Variants in SVOPL observed in about 807,000 individuals in gnomAD.
The protein encoded by SVOPL is SVOP like.
A neutral mutation model predicts 61.0 loss-of-function variants in SVOPL; 60 were observed. The observed-to-expected ratio is 0.98, with a 90% confidence interval of 0.80 to 1.22. SVOPL has a LOEUF of 1.22. SVOPL is among the 50% of genes most tolerant of loss of function. The pLI is 0.00. For missense variants in SVOPL, 662 were observed against 643.9 expected, an observed-to-expected ratio of 1.03 and a Z score of -0.30; for synonymous variants, 279 against 250.0, an observed-to-expected ratio of 1.12 and a Z score of -1.09.
At chr7:138,611,917 G>A (rs1290354561) in intron 14 of SVOPL, among the ~76,000 whole-genome samples, 280 of 13,236 alleles carry the variant, frequency 0.021, no homozygotes, top group Middle Eastern at 0.042. Context: ...CATTGAGAAC[G>A]GGCCAGGATG....
chr7:138,636,475 T>TC (rs1491340984), intron 9 of SVOPL, among the ~76,000 whole-genome samples: 6 of 146,908 alleles, frequency 4.1e-5, no homozygotes, highest in Non-Finnish European at 9.1e-5. Context: ...ATAGGATTTT[T>TC]CTTTTTTTTT....
rs553683428 is a variant in SVOPL at position 138,659,267 on chromosome 7, G to A, written c.470+597C>T. 4.4e-4 allele frequency among the ~76,000 whole-genome samples: 67 copies of A among 152,220 alleles called. No homozygotes were observed. In the South Asian group the frequency reaches 0.014, roughly 31 times the overall value. On this transcript the variant is annotated intron_variant, in intron 6 of 15. Coordinates refer to ENST00000674285, the MANE Select transcript of SVOPL (RefSeq NM_001139456.2). ...AGCACTTAGGGAGGCCAAGGCGGGT[G>A]GATTACCTGAGGTCAAGAGTTCGAG... is the stretch of plus-strand genomic sequence containing the variant.
In SVOPL at chr7:138,628,141, C is replaced by T. The variant is rs182872157; in HGVS notation, c.1069+17G>A. The T allele has an allele frequency of 3.2e-4, 518 of 1,614,046 alleles. 1 individual carries two copies. In the East Asian group the frequency reaches 5.3e-3, roughly 17 times the overall value. On this transcript the variant is annotated intron_variant, in intron 11 of 15. Transcript: ENST00000674285. ...CCACCCAAGACAGAGAGACCCAACA[C>T]GCAGAGGGACACTTACAAGCAATTT...
At chr7:138,612,819 A>G (rs1799113866) in intron 14 of SVOPL, among the ~76,000 whole-genome samples, 1 of 150,430 alleles carries the variant, frequency 6.6e-6, no homozygotes, top group Non-Finnish European at 1.5e-5. Flanking sequence ...CTGGCCAGAA[A>G]TGTAAATTTT....
intron 1 of SVOPL, among the ~76,000 whole-genome samples, chr7:138,684,182 T>C (rs535442564): frequency 1.2e-4 from 18 of 151,592 alleles, no homozygotes; most frequent in Admixed American, 1.1e-3. Context: ...CTGGCCAACA[T>C]GGTGAAACCC....
intron 1 of SVOPL, among the ~76,000 whole-genome samples, chr7:138,680,181 T>C (rs1466943249): frequency 6.6e-6 from 1 of 151,716 alleles, no homozygotes; most frequent in Admixed American, 6.6e-5. Context: ...TTTTTTTTTT[T>C]TTTTTTGAGG....
At chr7:138,625,867 A>G in intron 13 of SVOPL, 102 bp downstream of exon 13, 1 of 1,162,980 alleles carries the variant, frequency 8.6e-7, no homozygotes, top group Non-Finnish European at 1.2e-6. Flanking sequence ...TTAGAAAATC[A>G]TCAAAAGTCA....
At chr7:138,671,152 C>T (rs148024825) in intron 4 of SVOPL, among the ~76,000 whole-genome samples, 203 of 152,220 alleles carry the variant, frequency 1.3e-3, no homozygotes, top group African/African-American at 4.6e-3. Flanking sequence ...GAATGCAATT[C>T]ATGCTCAGCA....
intron 1 of SVOPL, among the ~76,000 whole-genome samples, chr7:138,679,464 G>T (rs956248879): frequency 9.2e-5 from 14 of 152,056 alleles, no homozygotes; most frequent in Non-Finnish European, 1.8e-4. Flanking sequence ...GTAGAGACAG[G>T]GTTTCACCAT....
At chr7:138,678,879 G>C (rs1045325873) in intron 2 of SVOPL, 85 bp downstream of exon 2, 55 of 1,384,200 alleles carry the variant, frequency 4.0e-5, no homozygotes, top group Non-Finnish European at 5.2e-5. Flanking sequence ...TGCTTCTTTT[G>C]ACCTCACCTT....
chr7:138,629,166 T>C (rs901547670), intron 10 of SVOPL, among the ~76,000 whole-genome samples: 16 of 151,846 alleles, frequency 1.1e-4, no homozygotes, highest in Non-Finnish European at 1.9e-4. Context: ...TATATGTATA[T>C]ATAATTTGCT....
At position 138,650,981 on chromosome 7, in the gene SVOPL, G is replaced by A. The variant is rs567919520; in HGVS notation, c.535-1844C>T. 4.0e-5 allele frequency among the ~76,000 whole-genome samples: 6 copies of A among 151,370 alleles called. No homozygotes were observed. The South Asian group carries it at 1.3e-3, about 32-fold the overall frequency. On this transcript the variant is annotated intron_variant, in intron 7 of 15. Coordinates refer to ENST00000674285, the MANE Select transcript of SVOPL (RefSeq NM_001139456.2). ...CTTTTGGTTAAGTGTAGATGGGACA[G>A]GGCACCTAGACTGACCTGTCTTCTG...
intron 5 of SVOPL, chr7:138,661,193 G>C: frequency 1.0e-6 from 1 of 985,332 alleles, no homozygotes. Context: ...CAGAAATCAA[G>C]CAAATAGAAA....
intron 14 of SVOPL, among the ~76,000 whole-genome samples, chr7:138,599,577 T>C (rs1265041902): frequency 6.6e-6 from 1 of 152,204 alleles, no homozygotes; most frequent in Non-Finnish European, 1.5e-5. Context: ...TTCAGGCCTA[T>C]GTATAAATAA....
At chr7:138,648,533 CAAAA>C (rs61171485) in intron 8 of SVOPL, among the ~76,000 whole-genome samples, 3,806 of 73,756 alleles carry the variant, frequency 0.052, 109 homozygotes, top group South Asian at 0.23. Context: ...ACTAAAAATC[CAAAA>C]AAAAAAAAAA....
chr7:138,618,860 A>T (rs1189362712), intron 14 of SVOPL, among the ~76,000 whole-genome samples: 6 of 152,232 alleles, frequency 3.9e-5, no homozygotes, highest in African/African-American at 1.4e-4. Flanking sequence ...GAAAAATATA[A>T]CTGAGAATTA....
intron 14 of SVOPL, among the ~76,000 whole-genome samples, chr7:138,607,038 T>C (rs1182987448): frequency 1.3e-5 from 2 of 149,864 alleles, no homozygotes; most frequent in Non-Finnish European, 3.0e-5. Context: ...TTTTTTTTCA[T>C]TCTCCTCTCT....
At chr7:138,643,422 CAAAAAA>C (rs36014220) in intron 9 of SVOPL, among the ~76,000 whole-genome samples, 1 of 67,338 alleles carries the variant, frequency 1.5e-5, no homozygotes, top group Non-Finnish European at 3.0e-5. Flanking sequence ...GACTCCATCT[CAAAAAA>C]AAAAAAAAAA....
intron 14 of SVOPL, among the ~76,000 whole-genome samples, chr7:138,597,765 C>T (rs1798341062): frequency 6.6e-6 from 1 of 152,008 alleles, no homozygotes; most frequent in Admixed American, 6.6e-5. Flanking sequence ...CATAATTAGG[C>T]ATGTGTCTAG....
Sources: allele counts gnomAD v4.1 joint callset (sites outside exome capture counted in the v4.1 genomes callset), GRCh38; gene constraint gnomAD v4.1.1; transcripts MANE v1.5; gene names NCBI Gene and HGNC (gene_info 2026-07-23, HGNC 2026-07-21).